The following SRGAP3 variants were observed in gnomAD, a reference collection of about 807,000 sequenced individuals.
The protein encoded by SRGAP3 is SLIT-ROBO Rho GTPase-activating protein 3.
In SRGAP3, 39 loss-of-function variants were observed where a neutral mutation model predicts 121.1. The observed-to-expected ratio is 0.32, with a 90% CI of 0.25 to 0.42. SRGAP3 has a LOEUF of 0.42. SRGAP3 is among the 10% of genes least tolerant of loss of function. SRGAP3 has a pLI of 1.00. For missense variants in SRGAP3, 1,213 were observed against 1,470.6 expected, an observed-to-expected ratio of 0.82 and a Z score of 2.86; for synonymous variants, 601 against 570.0, an observed-to-expected ratio of 1.05 and a Z score of -0.77.
At chr3:9,156,070 C>T (rs1053736184) in intron 1 of SRGAP3, among the ~76,000 whole-genome samples, 21 of 152,254 alleles carry the variant, frequency 1.4e-4, no homozygotes, top group Non-Finnish European at 2.5e-4. Flanking sequence ...CCGCCTCGGC[C>T]TCCCAAAGTG....
At chr3:9,196,798 CTTATT>C (rs1031126006) in intron 1 of SRGAP3, among the ~76,000 whole-genome samples, 1 of 152,140 alleles carries the variant, frequency 6.6e-6, no homozygotes, top group African/African-American at 2.4e-5. Flanking sequence ...GTCCAATACT[CTTATT>C]TTAAGATAGC....
intron 1 of SRGAP3, among the ~76,000 whole-genome samples, chr3:9,339,761 A>G (rs1480546629): frequency 3.3e-5 from 5 of 152,234 alleles, no homozygotes; most frequent in Admixed American, 6.5e-5. Context: ...CAACCTCTAT[A>G]CAAGCTAACC....
intron 3 of SRGAP3, among the ~76,000 whole-genome samples, chr3:9,267,515 G>A (rs17744934): frequency 0.29 from 44,122 of 151,962 alleles, 7,096 homozygotes; most frequent in Middle Eastern, 0.37. Context: ...AGGCTGTTCC[G>A]CAGGCAGCGG....
chr3:9,165,196 TCTC>T (rs1950742805), intron 1 of SRGAP3, among the ~76,000 whole-genome samples: 1 of 152,106 alleles, frequency 6.6e-6, no homozygotes. Flanking sequence ...CCTGCCATCT[TCTC>T]CTACCAGGAA....
chr3:8,990,913 C>T, intron 20 of SRGAP3, 74 bp from the exon 21 acceptor site: 1 of 1,298,396 alleles, frequency 7.7e-7, no homozygotes, highest in East Asian at 2.5e-5. Context: ...GGTGAGTCAA[C>T]CCCATGCCAC....
At chr3:9,345,030 C>T (rs1019860790) in intron 1 of SRGAP3, among the ~76,000 whole-genome samples, 3 of 151,382 alleles carry the variant, frequency 2.0e-5, no homozygotes, top group Non-Finnish European at 2.9e-5. Flanking sequence ...AGCGAGACTC[C>T]GTCTCAAAAA....
chr3:9,142,829 CT>C (rs397795766), intron 1 of SRGAP3, among the ~76,000 whole-genome samples: 1,241 of 90,790 alleles, frequency 0.014, 6 homozygotes, highest in African/African-American at 0.051. Flanking sequence ...GGGCAATTTC[CT>C]TTTTTTTTTT....
At chr3:9,063,694 G>A (rs1946287439) in intron 5 of SRGAP3, among the ~76,000 whole-genome samples, 1 of 152,092 alleles carries the variant, frequency 6.6e-6, no homozygotes, top group East Asian at 1.9e-4. Flanking sequence ...TCAGCCCAGT[G>A]CTCTGGGCAA....
At chr3:9,181,840 C>T (rs573465790) in intron 1 of SRGAP3, among the ~76,000 whole-genome samples, 2 of 152,260 alleles carry the variant, frequency 1.3e-5, no homozygotes, top group South Asian at 2.1e-4. Context: ...GGACTGGAGT[C>T]CTCATCCCAA....
In SRGAP3 at chr3:9,003,837, G is replaced by A. The variant is rs1168291677; in HGVS notation, c.2227+6471C>T. ...CTGGATGCTTTCCCCATAAGATCAG[G>A]ACTTAGACAAGGATGTTCACTCTCA... On this transcript the variant is annotated intron_variant, in intron 18 of 21. Transcript: ENST00000383836. Among the ~76,000 whole-genome samples, 7 of 152,258 alleles carry A rather than the reference G, an allele frequency of 4.6e-5. No individual in the cohort carries two copies. In the South Asian group the frequency reaches 1.2e-3, roughly 27 times the overall value.
At chr3:9,213,844 A>G (rs980324360) in intron 1 of SRGAP3, among the ~76,000 whole-genome samples, 4 of 151,826 alleles carry the variant, frequency 2.6e-5, no homozygotes, top group African/African-American at 7.3e-5. Flanking sequence ...CTCTTTTCCA[A>G]TTCCCTAAGC....
chr3:8,985,229 G>T lies in SRGAP3; in HGVS notation c.*290C>A. 3.9e-6 allele frequency: 2 copies of T among 515,172 alleles called. No individual in the cohort carries two copies. The allele number at this position is 515,172 out of a possible 1,614,324, so 31.9% of individuals were successfully genotyped here. A position where few individuals can be genotyped will look rare whatever the true frequency, so the allele number is the denominator to read the frequency against. On this transcript the variant is annotated 3_prime_UTR_variant, in exon 22 of 22. Coordinates refer to ENST00000383836, the MANE Select transcript of SRGAP3 (RefSeq NM_014850.4). The surrounding 1 kb of genome is among the most constrained non-coding windows in gnomAD (Gnocchi z 5.1). ...GGAAGTTTCCAGTGACGATATGCGGGAGAAGCCATGTGGTATTTTGCCTCC... is the reference window on the plus strand; with the variant it reads ...GGAAGTTTCCAGTGACGATATGCGGTAGAAGCCATGTGGTATTTTGCCTCC...
In SRGAP3 at chr3:9,278,222, C is replaced by T. The variant is rs556209673; in HGVS notation, n.442+47788G>A. ...ACTTGAGTCTGTTTGATCACCAGGC[C>T]TCAGGCCCTTTCCATTGTGTCAGGC... On this transcript the variant is annotated intron_variant and non_coding_transcript_variant, in intron 3 of 3. Transcript: ENST00000490889. Among the ~76,000 whole-genome samples the T allele has an allele frequency of 5.9e-5, 9 of 152,310 alleles. No individual in the cohort carries two copies. In the East Asian group the frequency reaches 1.7e-3, roughly 29 times the overall value.
chr3:9,204,627 C>T (rs112850931), intron 1 of SRGAP3, among the ~76,000 whole-genome samples: 13 of 148,566 alleles, frequency 8.8e-5, no homozygotes, highest in African/African-American at 3.2e-4. Context: ...TACACCCAAA[C>T]GAGGTACCAA....
intron 3 of SRGAP3, among the ~76,000 whole-genome samples, chr3:9,300,062 G>A (rs1036585906): frequency 6.7e-6 from 1 of 149,456 alleles, no homozygotes; most frequent in Non-Finnish European, 1.5e-5. Flanking sequence ...TCAAAGGATT[G>A]CCATGAAAAT....
chr3:9,326,856 A>G (rs903971139), intron 2 of SRGAP3, among the ~76,000 whole-genome samples: 3 of 151,826 alleles, frequency 2.0e-5, no homozygotes, highest in African/African-American at 7.2e-5. Context: ...CACCAAAATG[A>G]TAAGTCAAAA....
At chr3:9,361,549 G>C (rs2030835087) in intron 1 of SRGAP3, among the ~76,000 whole-genome samples, 1 of 152,156 alleles carries the variant, frequency 6.6e-6, no homozygotes, top group African/African-American at 2.4e-5. Flanking sequence ...CCAACTGACT[G>C]AACAGGCCCT....
intron 2 of SRGAP3, among the ~76,000 whole-genome samples, chr3:9,107,129 T>G (rs55909858): frequency 0.015 from 2,263 of 152,342 alleles, 55 homozygotes; most frequent in African/African-American, 0.052. Flanking sequence ...AACACTGCTG[T>G]GAAACAACCA....
intron 1 of SRGAP3, chr3:9,349,027 G>A: frequency 1.0e-6 from 1 of 957,656 alleles, no homozygotes. Flanking sequence ...TCAAGCATCT[G>A]GAGGGCCTCT....
Sources: allele counts gnomAD v4.1 joint callset (sites outside exome capture counted in the v4.1 genomes callset), GRCh38; gene constraint gnomAD v4.1.1; non-coding constraint Gnocchi (gnomAD v3.1); transcripts MANE v1.5; gene names NCBI Gene and HGNC (gene_info 2026-07-23, HGNC 2026-07-21).